Variants in GNAS observed in about 807,000 individuals in gnomAD.
The protein encoded by GNAS is protein ALEX.
GNAS carries 8 observed loss-of-function variants against 54.5 expected under a neutral mutation model. That is an observed-to-expected ratio of 0.15 (90% CI 0.09 to 0.26). GNAS has a LOEUF of 0.26. Among genes scored for constraint, GNAS ranks in the 10% least tolerant of loss-of-function variants. The pLI is 1.00. For synonymous variants in GNAS, 204 were observed against 191.4 expected (o/e 1.07, Z -0.54); for missense variants, 170 against 529.8 (o/e 0.32, Z 6.67).
At position 58,853,877 on chromosome 20, in the gene GNAS, C is replaced by T. The variant is rs942886939; in HGVS notation, c.43+12991C>T. On this transcript the variant is annotated intron_variant, in intron 1 of 12. Coordinates refer to the GNAS transcript ENST00000306090. This position sits in a 1 kb window ranked among gnomAD's most constrained non-coding sequence, Gnocchi z 4.4. ...GAGCTCCTCCCGAGGAGCCCCAAGC[C>T]CTCAGGCCTGCAAAGGCTGGCTCCA... 2 of 1,597,338 alleles carry T rather than the reference C, an allele frequency of 1.3e-6. No individual in the cohort carries two copies. The highest frequency in any genetic ancestry group is 1.7e-6 in the Non-Finnish European group (2 of 1,172,488).
chr20:58,889,226 C>G, upstream of GNAS: 1 of 1,207,928 alleles, frequency 8.3e-7, no homozygotes, highest in Non-Finnish European at 1.1e-6. Flanking sequence ...GGCTGGCCGG[C>G]GCGGCGCTCC....
In GNAS at chr20:58,841,906, G is replaced by A. The variant is rs1280845106; in HGVS notation, c.43+1020G>A. ...GCGGAACAAGGGACAGGCTGGAGAC[G>A]GGGGTCGCGTCTAACATCAGGATAA... On this transcript the variant is annotated intron_variant, in intron 1 of 12. Coordinates refer to the GNAS transcript ENST00000306090. This position sits in a 1 kb window ranked among gnomAD's most constrained non-coding sequence, Gnocchi z 5.0. 3.3e-6 allele frequency: 4 copies of A among 1,227,880 alleles called. No homozygotes were observed. Among genetic ancestry groups the A allele is most frequent in the East Asian group, 3.2e-5 (1 of 31,702 alleles). 76.1% of individuals were successfully genotyped at this position (1,227,880 alleles called of 1,614,324 possible).
intron 1 of GNAS, chr20:58,855,333 G>C (rs1438195444): frequency 6.4e-7 from 1 of 1,565,382 alleles, no homozygotes; most frequent in Admixed American, 1.9e-5. Context: ...GCTGCTTCTA[G>C]GTAATGCGGC....
intron 3 of GNAS, 23 bp downstream of exon 3, chr20:58,899,008 AAAATTGTT>A: frequency 6.3e-7 from 1 of 1,593,528 alleles, no homozygotes; most frequent in Non-Finnish European, 8.6e-7. Context: ...AAAACCAGAA[AAAATTGTT>A]AACAAACCAA....
chr20:58,850,433 T>C (rs6128447), intron 1 of GNAS: 3 of 397,562 alleles, frequency 7.5e-6, no homozygotes, highest in Admixed American at 4.4e-5. Context: ...CGACAAATGG[T>C]ACTTTGGGGG....
chr20:58,890,415 G>T (rs1380172811), upstream of GNAS, among the ~76,000 whole-genome samples: 2 of 151,780 alleles, frequency 1.3e-5, no homozygotes, highest in Non-Finnish European at 2.9e-5. Flanking sequence ...GGCGCCGCGC[G>T]TTGGGGGCAT....
Position 58,863,240 on chromosome 20 carries a change from A to C in GNAS, c.43+22354A>C, listed in dbSNP as rs969030836. 1.3e-5 allele frequency among the ~76,000 whole-genome samples: 2 copies of C among 152,152 alleles called. No homozygotes were observed. Among genetic ancestry groups the C allele is most frequent in the African/African-American group, 4.8e-5 (2 of 41,428 alleles). On this transcript the variant is annotated intron_variant, in intron 1 of 12. Transcript: ENST00000306090. The surrounding 1 kb of genome is among the most constrained non-coding windows in gnomAD (Gnocchi z 4.1). ...CTATGGGAAGAATGTTAGGCAACTG[A>C]TCTGTGACAGGGCAATGGAAATTAA...
At chr20:58,894,077 C>G (rs2089798302) in intron 1 of GNAS, among the ~76,000 whole-genome samples, 1 of 152,180 alleles carries the variant, frequency 6.6e-6, no homozygotes, top group African/African-American at 2.4e-5. Context: ...AAAGAGGAAA[C>G]CTAATAATGC....
At chr20:58,861,188 C>T (rs1180045010) in intron 1 of GNAS, among the ~76,000 whole-genome samples, 1 of 152,174 alleles carries the variant, frequency 6.6e-6, no homozygotes, top group Non-Finnish European at 1.5e-5. Flanking sequence ...TTCTTGGTTT[C>T]TTTTAGCTGT....
At chr20:58,879,300 C>T (rs1054194441) in intron 1 of GNAS, among the ~76,000 whole-genome samples, 1 of 152,298 alleles carries the variant, frequency 6.6e-6, no homozygotes, top group East Asian at 1.9e-4. Context: ...TTAAAAAGAT[C>T]CATTCTTTCA....
chr20:58,890,672 G>C (rs1246579380), upstream of GNAS: 1 of 151,886 alleles, frequency 6.6e-6, no homozygotes, highest in Non-Finnish European at 1.5e-5. Flanking sequence ...GGCGCTCCGG[G>C]GCCAGAGGCG....
chr20:58,854,501 C>T (rs1475377106), intron 1 of GNAS: 2 of 1,577,924 alleles, frequency 1.3e-6, no homozygotes, highest in South Asian at 2.3e-5. Context: ...AAGATCCCGA[C>T]TCCGGGACAG....
upstream of GNAS, chr20:58,840,209 C>A (rs1302570123): frequency 6.2e-7 from 1 of 1,611,112 alleles, no homozygotes; most frequent in African/African-American, 1.3e-5. This position sits in a 1 kb window ranked among gnomAD's most constrained non-coding sequence, Gnocchi z 6.0. Context: ...GCTCCTCTGG[C>A]TCTCCTGCTC....
At chr20:58,899,732 C>T (rs1229283667) in intron 3 of GNAS, among the ~76,000 whole-genome samples, 1 of 151,784 alleles carries the variant, frequency 6.6e-6, no homozygotes, top group Non-Finnish European at 1.5e-5. Flanking sequence ...ACACGCGCCG[C>T]GCACACACAC....
Position 58,891,545 on chromosome 20 carries a change from C to T in GNAS, c.-182C>T. 1 of 972,834 alleles carries T rather than the reference C, an allele frequency of 1.0e-6. No individual in the cohort carries two copies. The highest frequency in any genetic ancestry group is 4.6e-5 in the South Asian group (1 of 21,602). 60.3% of individuals were successfully genotyped at this position (972,834 alleles called of 1,614,324 possible). A position where few individuals can be genotyped will look rare whatever the true frequency, so the allele number is the denominator to read the frequency against. On this transcript the variant is annotated 5_prime_UTR_variant, in exon 1 of 13. Coordinates refer to ENST00000371085, the MANE Select transcript of GNAS (RefSeq NM_000516.7). ...CGGTCCGACCGACACCCTCCCCTTC[C>T]CGCCCGTCCGCGCGCCCCGCGGCCC... is the stretch of plus-strand genomic sequence containing the variant.
intron 1 of GNAS, chr20:58,855,102 G>T (rs772491045): frequency 6.2e-7 from 1 of 1,613,642 alleles, no homozygotes; most frequent in Non-Finnish European, 8.5e-7. Context: ...CAACTTTCTC[G>T]TGCAAGCCTT....
intron 1 of GNAS, among the ~76,000 whole-genome samples, chr20:58,868,777 CT>C (rs1449846638): frequency 6.6e-6 from 1 of 152,060 alleles, no homozygotes; most frequent in Non-Finnish European, 1.5e-5. Flanking sequence ...TTTGGGGGGA[CT>C]TTCTGAGCAG....
At chr20:58,898,905 T>C in intron 2 of GNAS, 36 bp from the exon 3 acceptor site, 1 of 1,591,858 alleles carries the variant, frequency 6.3e-7, no homozygotes, top group East Asian at 2.2e-5. Flanking sequence ...TGCGGTGCCT[T>C]GCAGATTAGG....
At chr20:58,848,953 A>C (rs1323631637) in intron 1 of GNAS, 3 of 398,436 alleles carry the variant, frequency 7.5e-6, no homozygotes, top group African/African-American at 2.1e-5. Context: ...AAAAGGGGGA[A>C]TATCAGGGTT....
Sources: allele counts gnomAD v4.1 joint callset (sites outside exome capture counted in the v4.1 genomes callset), GRCh38; gene constraint gnomAD v4.1.1; non-coding constraint Gnocchi (gnomAD v3.1); transcripts MANE v1.5; gene names NCBI Gene and HGNC (gene_info 2026-07-23, HGNC 2026-07-21).